The following IQGAP3 variants were observed in gnomAD, a reference collection of about 807,000 sequenced individuals.
The protein encoded by IQGAP3 is IQ motif containing GTPase activating protein 3.
IQGAP3 carries 165 observed loss-of-function variants against 208.2 expected under a neutral mutation model. The observed-to-expected ratio is 0.79, with a 90% confidence interval of 0.70 to 0.90. The LOEUF (loss-of-function observed/expected upper bound fraction) is 0.90. Ranked by LOEUF, IQGAP3 falls within the 40% of genes least tolerant of loss-of-function variation. The probability of loss-of-function intolerance (pLI) is 0.00; values close to 1 mark genes in which losing one functional copy is unlikely to be tolerated. For synonymous variants in IQGAP3, 703 were observed against 803.6 expected, an observed-to-expected ratio of 0.87 and a Z score of 2.12; for missense variants, 1,811 against 2,043.1, an observed-to-expected ratio of 0.89 and a Z score of 2.19.
chr1:156,561,246 G>A (rs1676137115), intron 10 of IQGAP3, among the ~76,000 whole-genome samples: 1 of 151,960 alleles, frequency 6.6e-6, no homozygotes, highest in Non-Finnish European at 1.5e-5. Flanking sequence ...TCGGCTCACG[G>A]CAACCTCTGC....
chr1:156,536,294 A>G (rs1189427513), intron 27 of IQGAP3, among the ~76,000 whole-genome samples: 1 of 152,200 alleles, frequency 6.6e-6, no homozygotes, highest in Non-Finnish European at 1.5e-5. Flanking sequence ...ACAAACAAAA[A>G]AAGAATGAAA....
intron 32 of IQGAP3, 37 bp downstream of exon 32, chr1:156,532,943 G>A (rs760169683): frequency 3.1e-6 from 5 of 1,612,808 alleles, no homozygotes; most frequent in Non-Finnish European, 3.4e-6. Flanking sequence ...GGGCTGGGGA[G>A]CTCAGGTATG....
intron 30 of IQGAP3, 27 bp downstream of exon 30, chr1:156,533,982 A>G: frequency 1.2e-6 from 2 of 1,612,536 alleles, no homozygotes; most frequent in Non-Finnish European, 1.7e-6. Context: ...CCACCCAGCC[A>G]ACACCCTCCA....
chr1:156,562,773 G>T, intron 8 of IQGAP3, 108 bp from the exon 9 acceptor site: 1 of 997,970 alleles, frequency 1.0e-6, no homozygotes, highest in Non-Finnish European at 1.6e-6. Flanking sequence ...CCTTCCCAAG[G>T]CCAAAGTTCA....
Position 156,540,834 on chromosome 1 carries a change from C to A in IQGAP3, c.2613G>T (p.Glu871Asp), listed in dbSNP as rs928069531. 1 of 1,614,000 alleles carries A rather than the reference C, an allele frequency of 6.2e-7. No homozygotes were observed. Among genetic ancestry groups the A allele is most frequent in the Non-Finnish European group, 8.5e-7 (1 of 1,180,024 alleles). Reference sequence around the variant, plus strand: ...CTTCCTGGAGCTTCAGCAGCTCTGCCTCAGCCAAGAAGTCTTGCTGGCTTT... The same window carrying A: ...CTTCCTGGAGCTTCAGCAGCTCTGCATCAGCCAAGAAGTCTTGCTGGCTTT... ...LNQSQQDFLA[E>D]AELLKLQEEV... The change falls in exon 23 of 38, where the codon GAG becomes GAT. Residue 871 changes from glutamate to aspartate, a missense_variant. By Grantham distance (45) the Glu-to-Asp change is conservative (BLOSUM62 2). Coordinates refer to ENST00000361170, the MANE Select transcript of IQGAP3 (RefSeq NM_178229.5).
chr1:156,567,772 C>T (rs1676473717), intron 2 of IQGAP3, among the ~76,000 whole-genome samples: 1 of 152,260 alleles, frequency 6.6e-6, no homozygotes, highest in African/African-American at 2.4e-5. Context: ...AAGTACGTAT[C>T]CTGCTTTTCC....
Position 156,554,338 on chromosome 1 carries a change from G to A in IQGAP3, c.1345C>T (p.Leu449=). 1.2e-6 allele frequency: 2 copies of A among 1,614,000 alleles called. No homozygotes were observed. Among genetic ancestry groups the A allele is most frequent in the Non-Finnish European group, 1.7e-6 (2 of 1,179,974 alleles). ...CGGGCCTCCAGGGCCCGGTTAATCA[G>A]GACCACAGCTGAGAGCATCTCCACA... is the stretch of plus-strand genomic sequence containing the variant. ...VAVEMLSAVV[L]INRALEARDA... is the part of the protein sequence containing the mutation. Residue 449 remains leucine, a synonymous_variant, in exon 13 of 38, where the codon CTG becomes TTG. Coordinates refer to ENST00000361170, the MANE Select transcript of IQGAP3 (RefSeq NM_178229.5).
chr1:156,527,824 G>T, intron 37 of IQGAP3, 128 bp downstream of exon 37: 3 of 648,102 alleles, frequency 4.6e-6, no homozygotes, highest in Non-Finnish European at 8.2e-6. Context: ...AGGAACAGAC[G>T]ATACTGATTG....
intron 27 of IQGAP3, among the ~76,000 whole-genome samples, chr1:156,536,275 T>G (rs999467057): frequency 5.9e-5 from 9 of 151,612 alleles, no homozygotes; most frequent in African/African-American, 2.2e-4. Flanking sequence ...TAATAAAAAA[T>G]AAAGAAAAAC....
chr1:156,530,395 C>T (rs1674335546), intron 33 of IQGAP3, 78 bp from the exon 34 acceptor site: 2 of 1,285,606 alleles, frequency 1.6e-6, no homozygotes, highest in South Asian at 2.6e-5. Flanking sequence ...CCCATGGGCA[C>T]CAGCAACAAA....
intron 13 of IQGAP3, among the ~76,000 whole-genome samples, chr1:156,553,522 C>T (rs1216862826): frequency 6.6e-6 from 1 of 152,094 alleles, no homozygotes; most frequent in Non-Finnish European, 1.5e-5. Context: ...CTACCCATTA[C>T]CCACTTTGCC....
Position 156,551,836 on chromosome 1 carries a change from G to A in IQGAP3, c.1603C>T (p.Leu535=). 6.2e-7 allele frequency: 1 copy of A among 1,611,434 alleles called. No homozygotes were observed. Among genetic ancestry groups the A allele is most frequent in the Non-Finnish European group, 8.5e-7 (1 of 1,178,462 alleles). ...GTCTTCTCAGGGCTGCCTTTGTCCA[G>A]AGCCTCATTGATGAGGCTGACTGCA... is the stretch of plus-strand genomic sequence containing the variant. ...VLAVSLINEA[L]DKGSPEKTLS... is the part of the protein sequence containing the mutation. The change falls in exon 15 of 38, where the codon CTG becomes TTG. Residue 535 remains leucine (L), a synonymous_variant. Transcript: ENST00000361170.
Position 156,544,118 on chromosome 1 carries a change from G to A in IQGAP3, c.2460+34C>T, listed in dbSNP as rs16837464. The A allele has an allele frequency of 3.9e-3, 6,356 of 1,613,092 alleles. 215 individuals are homozygous for A. In the African/African-American group the frequency reaches 0.076, roughly 19 times the overall value. The stretch of plus-strand genomic sequence containing the variant: ...GCTCTAGTCTCATGGGCAAAGGTTG[G>A]GTATGTGGGCAGGGGGAACAAGGTG... On this transcript the variant is annotated intron_variant, in intron 21 of 37. Coordinates refer to ENST00000361170, the MANE Select transcript of IQGAP3 (RefSeq NM_178229.5).
chr1:156,532,065 C>T (rs955984935), intron 32 of IQGAP3, among the ~76,000 whole-genome samples: 2 of 152,092 alleles, frequency 1.3e-5, no homozygotes, highest in Non-Finnish European at 2.9e-5. Flanking sequence ...AGCTCCATGC[C>T]CATCTCCTGA....
intron 22 of IQGAP3, 86 bp downstream of exon 22, chr1:156,543,895 C>T (rs2102390495): frequency 1.8e-6 from 2 of 1,120,064 alleles, no homozygotes; most frequent in Non-Finnish European, 2.7e-6. Context: ...ACCTGCTGTG[C>T]AGTCGCAGAA....
intron 23 of IQGAP3, 128 bp downstream of exon 23, chr1:156,540,578 CAA>C (rs1283709537): frequency 1.4e-6 from 1 of 739,302 alleles, no homozygotes; most frequent in African/African-American, 1.7e-5. Flanking sequence ...GCCACTGGAA[CAA>C]GGACCTGAGT....
chr1:156,564,559 A>G, intron 5 of IQGAP3, 56 bp downstream of exon 5: 9 of 1,123,696 alleles, frequency 8.0e-6, no homozygotes, highest in South Asian at 7.4e-5. Flanking sequence ...GTTGTTGTTG[A>G]TTGTTGGTCG....
intron 4 of IQGAP3, 38 bp downstream of exon 4, chr1:156,565,989 G>A: frequency 6.8e-7 from 1 of 1,473,646 alleles, no homozygotes; most frequent in Non-Finnish European, 9.5e-7. Flanking sequence ...GGCTGGTAAG[G>A]AGTAAAGATG....
Position 156,540,840 on chromosome 1 carries a change from C to T in IQGAP3, c.2607G>A (p.Leu869=), listed in dbSNP as rs142760472. 2,934 of 1,613,942 alleles carry T rather than the reference C, an allele frequency of 1.8e-3. 4 individuals carry two copies. The highest frequency in any genetic ancestry group is 2.2e-3 in the Non-Finnish European group (2,610 of 1,180,006). ...HLLNQSQQDF[L]AEAELLKLQE... ...GGAGCTTCAGCAGCTCTGCCTCAGC[C>T]AAGAAGTCTTGCTGGCTTTGATTCA... The change falls in exon 23 of 38, where the codon TTG becomes TTA. Residue 869 remains leucine, a synonymous_variant. Coordinates refer to ENST00000361170, the MANE Select transcript of IQGAP3 (RefSeq NM_178229.5).
Sources: gnomAD v4.1 joint callset for allele counts (sites outside exome capture counted in the v4.1 genomes callset) on GRCh38, gnomAD v4.1.1 for gene constraint, MANE v1.5 for transcripts, NCBI Gene and HGNC (gene_info 2026-07-23, HGNC 2026-07-21) for gene names.